PVT1: variants seen among roughly 807,000 people sequenced by gnomAD.
The protein encoded by PVT1 is CXCR4/PVT1 fusion.
chr8:127,967,825 C>T (rs2129957809), intron 3 of PVT1, among the ~76,000 whole-genome samples: 1 of 152,340 alleles, frequency 6.6e-6, no homozygotes, highest in East Asian at 1.9e-4. Flanking sequence ...ACAGGAGATT[C>T]ATTGCTGAGT....
chr8:128,067,061 G>C (rs1385350915), intron 4 of PVT1, among the ~76,000 whole-genome samples: 1 of 152,142 alleles, frequency 6.6e-6, no homozygotes. Context: ...TTCCTTTGCA[G>C]CCACAGTGAC....
At chr8:127,810,143 G>A (rs552688762) in intron 2 of PVT1, among the ~76,000 whole-genome samples, 1 of 152,226 alleles carries the variant, frequency 6.6e-6, no homozygotes, top group Non-Finnish European at 1.5e-5. Flanking sequence ...GGCCTGGGGG[G>A]CCACCCCCTG....
intron 2 of PVT1, among the ~76,000 whole-genome samples, chr8:127,815,113 G>A (rs1814644137): frequency 6.6e-6 from 1 of 152,062 alleles, no homozygotes; most frequent in South Asian, 2.1e-4. Context: ...TTATAGTCGT[G>A]CACCACCACG....
At chr8:127,847,929 G>A in intron 2 of PVT1, among the ~76,000 whole-genome samples, 1 of 151,838 alleles carries the variant, frequency 6.6e-6, no homozygotes, top group Non-Finnish European at 1.5e-5. Context: ...TCAGAGATAA[G>A]GTTTCACTCT....
At chr8:128,025,156 A>T (rs1432149494) in intron 4 of PVT1, among the ~76,000 whole-genome samples, 1 of 152,166 alleles carries the variant, frequency 6.6e-6, no homozygotes, top group Non-Finnish European at 1.5e-5. Flanking sequence ...GCCAGGCAGG[A>T]GCCCTACTTG....
At chr8:127,802,840 A>T (rs1014764664) in intron 2 of PVT1, among the ~76,000 whole-genome samples, 5 of 152,156 alleles carry the variant, frequency 3.3e-5, no homozygotes, top group African/African-American at 1.2e-4. Flanking sequence ...GAAAGAAGGC[A>T]GGTTGAAATG....
intron 4 of PVT1, among the ~76,000 whole-genome samples, chr8:128,060,388 G>A (rs903248197): frequency 6.6e-6 from 1 of 152,186 alleles, no homozygotes; most frequent in Non-Finnish European, 1.5e-5. Context: ...AGGCATTCAA[G>A]ATATCCCTAT....
At chr8:127,913,102 G>A (rs966857515) in intron 3 of PVT1, among the ~76,000 whole-genome samples, 5 of 151,722 alleles carry the variant, frequency 3.3e-5, no homozygotes, top group Non-Finnish European at 7.4e-5. Context: ...CGCTTGCCTC[G>A]GCCTCCCAAA....
At chr8:127,799,944 A>G (rs1174911540) in intron 2 of PVT1, among the ~76,000 whole-genome samples, 1 of 152,204 alleles carries the variant, frequency 6.6e-6, no homozygotes, top group Non-Finnish European at 1.5e-5. Context: ...AACAGATGAG[A>G]AAGTAAATAA....
intron 2 of PVT1, among the ~76,000 whole-genome samples, chr8:127,850,025 G>A (rs13280024): frequency 0.14 from 4,319 of 30,346 alleles, 1,222 homozygotes; most frequent in African/African-American, 0.44. Context: ...CTGTGTGCAC[G>A]TGCATGGGTG....
At chr8:127,877,968 A>G (rs1047300344) in intron 2 of PVT1, among the ~76,000 whole-genome samples, 2 of 151,942 alleles carry the variant, frequency 1.3e-5, no homozygotes, top group Admixed American at 6.6e-5. Context: ...ACCTTACTGA[A>G]CTTTCTTGGA....
At chr8:127,902,059 C>T (rs1240427051) in intron 3 of PVT1, among the ~76,000 whole-genome samples, 2 of 152,138 alleles carry the variant, frequency 1.3e-5, no homozygotes, top group Non-Finnish European at 2.9e-5. Context: ...ACTTAGAATG[C>T]GTAGAAATGT....
intron 4 of PVT1, among the ~76,000 whole-genome samples, chr8:128,015,740 T>A (rs888541798): frequency 5.3e-5 from 7 of 133,090 alleles, no homozygotes; most frequent in Non-Finnish European, 9.2e-5. Flanking sequence ...GCCACTGCAC[T>A]CCAGCCTGGT....
At chr8:127,836,851 A>G (rs1389285201) in intron 2 of PVT1, among the ~76,000 whole-genome samples, 1 of 152,052 alleles carries the variant, frequency 6.6e-6, no homozygotes, top group Non-Finnish European at 1.5e-5. Flanking sequence ...TGGCGCCTGC[A>G]CTGCACCGAG....
At chr8:127,972,068 T>C (rs1272147481) in intron 3 of PVT1, among the ~76,000 whole-genome samples, 1 of 152,244 alleles carries the variant, frequency 6.6e-6, no homozygotes, top group Non-Finnish European at 1.5e-5. Context: ...TCAGCCTCCC[T>C]GGACACCTGC....
chr8:127,846,166 G>A (rs1815031498), intron 2 of PVT1, among the ~76,000 whole-genome samples: 1 of 152,214 alleles, frequency 6.6e-6, no homozygotes, highest in Non-Finnish European at 1.5e-5. Flanking sequence ...GAACTAAGTG[G>A]TAATAAAAGT....
At chr8:127,985,110 T>G (rs1816950039) in intron 3 of PVT1, among the ~76,000 whole-genome samples, 1 of 150,632 alleles carries the variant, frequency 6.6e-6, no homozygotes, top group Non-Finnish European at 1.5e-5. Context: ...CTCGGCTCAC[T>G]GTAACCTCTG....
intron 3 of PVT1, among the ~76,000 whole-genome samples, chr8:127,953,122 C>G (rs1472477263): frequency 6.6e-6 from 1 of 152,210 alleles, no homozygotes; most frequent in African/African-American, 2.4e-5. Context: ...TGTCCTTCCT[C>G]AATGGGAGAA....
chr8:128,002,382 G>T (rs562382995), intron 4 of PVT1, among the ~76,000 whole-genome samples: 37 of 152,336 alleles, frequency 2.4e-4, no homozygotes, highest in Admixed American at 9.8e-4. Flanking sequence ...TCAGTAGGAT[G>T]TGCAGATTGG....
Sources: allele counts gnomAD v4.1 joint callset (sites outside exome capture counted in the v4.1 genomes callset), GRCh38; gene constraint gnomAD v4.1.1; transcripts MANE v1.5; gene names NCBI Gene and HGNC (gene_info 2026-07-23, HGNC 2026-07-21).